The following DIAPH2 variants were observed in gnomAD, a reference collection of about 807,000 sequenced individuals.
DIAPH2 encodes the protein diaphanous related formin 2.
DIAPH2 carries 35 observed loss-of-function variants against 92.7 expected under a neutral mutation model. That is an observed-to-expected ratio of 0.38 (90% CI 0.29 to 0.50). The LOEUF is 0.50. DIAPH2 is among the 20% of genes least tolerant of loss of function. The probability of loss-of-function intolerance (pLI) is 0.94; values close to 1 mark genes in which losing one functional copy is unlikely to be tolerated. For synonymous variants in DIAPH2, 301 were observed against 280.4 expected (o/e 1.07, Z -0.73); for missense variants, 701 against 819.5 (o/e 0.86, Z 1.77).
At chrX:97,045,826 TATGG>T (rs1237371228) in intron 17 of DIAPH2, among the ~76,000 whole-genome samples, 1 of 105,225 alleles carries the variant, frequency 9.5e-6, no homozygotes, top group Non-Finnish European at 1.9e-5. Context: ...GTGGGAAGGG[TATGG>T]TATTAGGGTA....
At chrX:97,402,207 CGTGTGTGTGTGT>C (rs10695870) in intron 25 of DIAPH2, among the ~76,000 whole-genome samples, 4 of 99,853 alleles carry the variant, frequency 4.0e-5, no homozygotes, top group Non-Finnish European at 8.1e-5. Flanking sequence ...TCATTTGCAT[CGTGTGTGTGTGT>C]GTGTGTGTGT....
intron 16 of DIAPH2, among the ~76,000 whole-genome samples, chrX:96,962,364 TACACATATATATATACACATATATATAC>T (rs2065860989): frequency 1.5e-5 from 1 of 64,683 alleles, no homozygotes; most frequent in African/African-American, 6.8e-5. Context: ...CATATATATA[TACACATATATATATACACATATATATAC>T]ACATATATAT....
In DIAPH2 at chrX:96,952,881, A is replaced by C. The variant is rs768381927; in HGVS notation, c.1614+3842A>C. On this transcript the variant is annotated intron_variant, in intron 15 of 26. Coordinates refer to ENST00000324765, the MANE Select transcript of DIAPH2 (RefSeq NM_006729.5). ...CTCTTGCCTTTAATACCAGCAATTT[A>C]GGAGACCAAGGTGGGAGGATTCCTT... Among the ~76,000 whole-genome samples the C allele has an allele frequency of 2.7e-5, 3 of 110,791 alleles. No individual in the cohort carries two copies. The South Asian group carries it at 1.2e-3, about 44-fold the overall frequency.
At chrX:96,892,394 T>G (rs2071564043) in intron 5 of DIAPH2, among the ~76,000 whole-genome samples, 1 of 112,123 alleles carries the variant, frequency 8.9e-6, no homozygotes, top group Non-Finnish European at 1.9e-5. Context: ...TAAATCATTT[T>G]AGAATAGCAC....
intron 17 of DIAPH2, among the ~76,000 whole-genome samples, chrX:96,996,218 C>T: frequency 8.9e-6 from 1 of 111,776 alleles, no homozygotes; most frequent in Non-Finnish European, 1.9e-5. Flanking sequence ...TGGAAATGAC[C>T]ATTTTTGATT....
intron 26 of DIAPH2, among the ~76,000 whole-genome samples, chrX:97,456,318 C>T (rs764548603): frequency 9.2e-6 from 1 of 108,777 alleles, no homozygotes; most frequent in Admixed American, 9.9e-5. Flanking sequence ...ACCTGGGAGG[C>T]GGAGCTTGCA....
intron 22 of DIAPH2, among the ~76,000 whole-genome samples, chrX:97,175,421 GA>G (rs1383779775): frequency 1.8e-5 from 2 of 111,317 alleles, no homozygotes; most frequent in East Asian, 5.6e-4. Flanking sequence ...ATAAAAAGAA[GA>G]AAAAATGTAA....
intron 24 of DIAPH2, among the ~76,000 whole-genome samples, chrX:97,351,631 G>A (rs181674815): frequency 5.4e-5 from 6 of 110,171 alleles, no homozygotes; most frequent in South Asian, 3.9e-4. Context: ...GTGAAACCCC[G>A]TCTCTACTAA....
intron 4 of DIAPH2, chrX:96,763,088 C>T (rs773730173): frequency 3.1e-6 from 3 of 961,483 alleles, no homozygotes; most frequent in Non-Finnish European, 4.0e-6. Context: ...CTTCGTTGAC[C>T]ACTGCATGCA....
chrX:97,226,514 C>A (rs2067966757), intron 22 of DIAPH2, among the ~76,000 whole-genome samples: 1 of 110,365 alleles, frequency 9.1e-6, no homozygotes, highest in African/African-American at 3.3e-5. Flanking sequence ...GCTGGGATTA[C>A]AGGTGTCTGC....
intron 23 of DIAPH2, among the ~76,000 whole-genome samples, chrX:97,275,634 C>A (rs1037161885): frequency 9.2e-6 from 1 of 108,492 alleles, no homozygotes; most frequent in Non-Finnish European, 1.9e-5. Context: ...CCTCACCTCC[C>A]AAACGGGGTT....
chrX:97,323,559 C>A (rs1161423665), intron 23 of DIAPH2, among the ~76,000 whole-genome samples: 3 of 92,962 alleles, frequency 3.2e-5, no homozygotes, highest in Non-Finnish European at 6.4e-5. Flanking sequence ...CCATTGCACT[C>A]CAGCCTGGGT....
At chrX:97,314,897 A>T (rs2068828038) in intron 23 of DIAPH2, among the ~76,000 whole-genome samples, 1 of 111,975 alleles carries the variant, frequency 8.9e-6, no homozygotes, top group South Asian at 3.8e-4. Flanking sequence ...TTTTTGAGAA[A>T]TGTTTTAGTT....
chrX:97,557,631 C>T (rs1169252367), intron 26 of DIAPH2, among the ~76,000 whole-genome samples: 3 of 111,916 alleles, frequency 2.7e-5, no homozygotes, highest in Non-Finnish European at 3.8e-5. Context: ...TAGTATAAAA[C>T]GAAGTGAAAC....
chrX:96,706,782 C>T (rs916191922), intron 1 of DIAPH2, among the ~76,000 whole-genome samples: 3 of 111,010 alleles, frequency 2.7e-5, no homozygotes. Flanking sequence ...CCATCTTTTC[C>T]TAATGCAAGC....
chrX:96,924,647 A>C (rs1211589122), intron 9 of DIAPH2, among the ~76,000 whole-genome samples: 1 of 111,567 alleles, frequency 9.0e-6, no homozygotes, highest in Non-Finnish European at 1.9e-5. Context: ...TAATTTATAA[A>C]GAAAAGAGGT....
At chrX:97,185,485 A>ATGTGTGTG (rs1438066531) in intron 22 of DIAPH2, among the ~76,000 whole-genome samples, 11 of 12,044 alleles carry the variant, frequency 9.1e-4, no homozygotes, top group East Asian at 9.0e-3. Context: ...ATATATATAT[A>ATGTGTGTG]TATATATATA....
At chrX:96,751,843 C>T (rs2064195302) in intron 3 of DIAPH2, among the ~76,000 whole-genome samples, 1 of 96,576 alleles carries the variant, frequency 1.0e-5, no homozygotes, top group Non-Finnish European at 2.2e-5. Context: ...TTAGTAGAGA[C>T]AGGGTTTCAC....
At chrX:96,843,278 G>A (rs1257415086) in intron 4 of DIAPH2, among the ~76,000 whole-genome samples, 2 of 111,648 alleles carry the variant, frequency 1.8e-5, no homozygotes, top group African/African-American at 3.3e-5. Context: ...CCTCCCAGAA[G>A]TAGATGCCAG....
Sources: allele counts gnomAD v4.1 joint callset (sites outside exome capture counted in the v4.1 genomes callset), GRCh38; gene constraint gnomAD v4.1.1; transcripts MANE v1.5; gene names NCBI Gene and HGNC (gene_info 2026-07-23, HGNC 2026-07-21).